CNGB1: variants seen among roughly 807,000 people sequenced by gnomAD.
The protein encoded by CNGB1 is cyclic nucleotide-gated channel beta-1.
In CNGB1, 126 loss-of-function variants were observed where a neutral mutation model predicts 151.7. The observed-to-expected ratio is 0.83, with a 90% confidence interval of 0.72 to 0.96. The LOEUF is 0.96. Ranked by LOEUF, CNGB1 falls within the 40% of genes least tolerant of loss-of-function variation. The pLI is 0.00. For missense variants in CNGB1, 1,698 were observed against 1,627.0 expected (o/e 1.04, Z -0.75); for synonymous variants, 623 against 635.1 (o/e 0.98, Z 0.29).
chr16:57,957,239 G>T (rs1159639056), intron 12 of CNGB1, 102 bp downstream of exon 12: 2 of 1,130,650 alleles, frequency 1.8e-6, no homozygotes, highest in East Asian at 4.7e-5. Flanking sequence ...GTGAGTCCAG[G>T]TCTGGCCAGG....
intron 31 of CNGB1, among the ~76,000 whole-genome samples, chr16:57,891,701 T>C (rs1289160209): frequency 6.6e-6 from 1 of 151,796 alleles, no homozygotes; most frequent in Admixed American, 6.6e-5. Flanking sequence ...GGATGATAGG[T>C]GCCCATGACC....
chr16:57,901,254 C>G lies in CNGB1; in HGVS notation c.2976+98G>C, dbSNP rs756350440. On this transcript the variant is annotated intron_variant, in intron 29 of 32. Coordinates refer to ENST00000251102, the MANE Select transcript of CNGB1 (RefSeq NM_001297.5). ...CTCTTCTCCCTCCCCAACAATCTCG[C>G]TCTGCCCTGGGCTGGCAGGCACCCC... The G allele has an allele frequency of 1.5e-3, 1,719 of 1,180,472 alleles. 3 individuals are homozygous for G. Among genetic ancestry groups the G allele is most frequent in the Non-Finnish European group, 1.7e-3 (1,362 of 794,078 alleles). The allele number at this position is 1,180,472 out of a possible 1,614,324, so 73.1% of individuals were successfully genotyped here.
intron 1 of CNGB1, 25 bp from the exon 2 acceptor site, chr16:57,967,319 C>A: frequency 6.2e-7 from 1 of 1,613,554 alleles, no homozygotes. Context: ...GTCCTTAGCC[C>A]TCCCTGGAGC....
At chr16:57,940,460 G>T (rs1439155610) in intron 14 of CNGB1, 139 bp from the exon 15 acceptor site, 3 of 743,112 alleles carry the variant, frequency 4.0e-6, no homozygotes, top group African/African-American at 3.5e-5. Context: ...AACCTCAGGA[G>T]CCTCCAGGGC....
chr16:57,941,186 G>A (rs934979769), intron 14 of CNGB1, among the ~76,000 whole-genome samples: 5 of 152,136 alleles, frequency 3.3e-5, no homozygotes, highest in Non-Finnish European at 7.4e-5. Flanking sequence ...GTCCGTGTGC[G>A]ACCTCTGGGT....
chr16:57,897,420 C>T lies in CNGB1; in HGVS notation c.3219G>A (p.Gln1073=). 6.2e-7 allele frequency: 1 copy of T among 1,614,128 alleles called. No individual in the cohort carries two copies. The highest frequency in any genetic ancestry group is 8.5e-7 in the Non-Finnish European group (1 of 1,180,012). The change falls in exon 31 of 33, where the codon CAG becomes CAA. Residue 1073 remains glutamine (Q), a synonymous_variant. Coordinates refer to ENST00000251102, the MANE Select transcript of CNGB1 (RefSeq NM_001297.5). ...NEILVHYPES[Q]KLLRKKARRM... ...ACCTGGCTTTCTTCCGGAGTAACTTCTGAGACTCAGGATAATGCACCAAAA... is the reference window on the plus strand; with the variant it reads ...ACCTGGCTTTCTTCCGGAGTAACTTTTGAGACTCAGGATAATGCACCAAAA...
intron 24 of CNGB1, 157 bp from the exon 25 acceptor site, chr16:57,912,032 G>T: frequency 2.2e-6 from 2 of 907,968 alleles, no homozygotes; most frequent in Non-Finnish European, 3.4e-6. Flanking sequence ...ATGGGGCGTT[G>T]TCATGACCTG....
At chr16:57,905,433 C>T (rs1272625885) in intron 25 of CNGB1, among the ~76,000 whole-genome samples, 14 of 152,202 alleles carry the variant, frequency 9.2e-5, no homozygotes, top group Non-Finnish European at 1.3e-4. Flanking sequence ...AAGAGCTGGG[C>T]GCTGTCTGCT....
chr16:57,914,894 G>C (rs1960821076), intron 23 of CNGB1, among the ~76,000 whole-genome samples: 6 of 151,808 alleles, frequency 4.0e-5, no homozygotes, highest in Admixed American at 3.3e-4. Context: ...CCTCTTGAGA[G>C]TCTCTATAAT....
chr16:57,888,212 C>A, intron 31 of CNGB1, 138 bp from the exon 32 acceptor site: 1 of 857,048 alleles, frequency 1.2e-6, no homozygotes, highest in Non-Finnish European at 1.9e-6. Context: ...TTTTTCTGGG[C>A]CAAGCGTCGT....
intron 20 of CNGB1, 68 bp downstream of exon 20, chr16:57,919,031 C>A (rs185410917): frequency 6.2e-7 from 1 of 1,610,884 alleles, no homozygotes; most frequent in East Asian, 2.2e-5. Flanking sequence ...TGACCCTCTC[C>A]CCATCCCGCT....
At chr16:57,916,906 A>G (rs1351898067) in intron 21 of CNGB1, among the ~76,000 whole-genome samples, 1 of 152,162 alleles carries the variant, frequency 6.6e-6, no homozygotes, top group African/African-American at 2.4e-5. Flanking sequence ...GGTGGAAGCT[A>G]TTACTAGCCC....
At chr16:57,920,597 ACC>A (rs1352954849) in intron 18 of CNGB1, 53 bp from the exon 19 acceptor site, 6 of 1,599,784 alleles carry the variant, frequency 3.8e-6, no homozygotes, top group Non-Finnish European at 5.1e-6. Flanking sequence ...GGACCTGTGC[ACC>A]CCCAGGCCAG....
At position 57,931,809 on chromosome 16, in the gene CNGB1, G is replaced by A; in HGVS notation, c.1442C>T (p.Ala481Val). 1 of 1,614,136 alleles carries A rather than the reference G, an allele frequency of 6.2e-7. No homozygotes were observed. The highest frequency in any genetic ancestry group is 8.5e-7 in the Non-Finnish European group (1 of 1,180,040). Reference protein sequence around the residue: ...DTDADSCPLMAEENPPSTVLP... With the variant: ...DTDADSCPLMVEENPPSTVLP... ...CACGGTTGAGGGTGGATTCTCTTCTGCCATGAGGGGGCAGCTATCAGCATC... is the reference window on the plus strand; with the variant it reads ...CACGGTTGAGGGTGGATTCTCTTCTACCATGAGGGGGCAGCTATCAGCATC... The change falls in exon 17 of 33, where the codon GCA (alanine) becomes GTA (valine). Residue 481 changes from alanine (A) to valine (V), a missense_variant. Physicochemically the swap from Ala to Val is moderately conservative, Grantham distance 64 (BLOSUM62 0). Transcript: ENST00000251102.
chr16:57,921,612 C>T (rs1961038343), intron 18 of CNGB1, among the ~76,000 whole-genome samples: 2 of 152,162 alleles, frequency 1.3e-5, no homozygotes, highest in Non-Finnish European at 2.9e-5. Flanking sequence ...GGTGCACACT[C>T]ACTGGGATAT....
chr16:57,897,594 C>T (rs767102691), intron 30 of CNGB1, 51 bp from the exon 31 acceptor site: 28 of 1,612,038 alleles, frequency 1.7e-5, no homozygotes, highest in Non-Finnish European at 2.4e-5. Flanking sequence ...CCGTTTCGGT[C>T]ACATTCAGAT....
intron 31 of CNGB1, among the ~76,000 whole-genome samples, chr16:57,891,378 TCA>T (rs1489716825): frequency 6.6e-6 from 1 of 152,050 alleles, no homozygotes; most frequent in Non-Finnish European, 1.5e-5. Flanking sequence ...GCGTGGTGGT[TCA>T]CACACAGTCC....
intron 29 of CNGB1, among the ~76,000 whole-genome samples, chr16:57,899,191 G>C (rs758491834): frequency 6.6e-6 from 1 of 152,194 alleles, no homozygotes; most frequent in African/African-American, 2.4e-5. Context: ...TGAATGAATA[G>C]CTTGCTTTGG....
intron 25 of CNGB1, among the ~76,000 whole-genome samples, chr16:57,905,791 G>A (rs896924612): frequency 2.2e-4 from 34 of 152,232 alleles, no homozygotes; most frequent in African/African-American, 8.2e-4. Context: ...GGACACTGTG[G>A]CCTTCAAGAC....
Sources: allele counts gnomAD v4.1 joint callset (sites outside exome capture counted in the v4.1 genomes callset), GRCh38; gene constraint gnomAD v4.1.1; transcripts MANE v1.5; gene names NCBI Gene and HGNC (gene_info 2026-07-23, HGNC 2026-07-21).